Variants in CLSTN2 observed in about 807,000 individuals in gnomAD.
CLSTN2 encodes calsyntenin 2.
CLSTN2 carries 48 observed loss-of-function variants against 101.2 expected under a neutral mutation model. That is an observed-to-expected ratio of 0.47 (90% confidence interval 0.38 to 0.60). CLSTN2 has a LOEUF of 0.60. Among genes scored for constraint, CLSTN2 ranks in the 20% least tolerant of loss-of-function variants. The pLI, the probability that CLSTN2 is intolerant of heterozygous loss-of-function variation, is 0.00. For synonymous variants in CLSTN2, 481 were observed against 463.6 expected, an observed-to-expected ratio of 1.04 and a Z score of -0.48; for missense variants, 1,160 against 1,238.2, an observed-to-expected ratio of 0.94 and a Z score of 0.95.
In CLSTN2 at chr3:140,299,636, A is replaced by G. The variant is rs528270276; in HGVS notation, c.233-103993A>G. The stretch of plus-strand genomic sequence containing the variant: ...TACTGTGTTTTTGTGTCGGTCACCT[A>G]TCTTTGGCTATTGACTTACATCCCA... On this transcript the variant is annotated intron_variant, in intron 2 of 16. Coordinates refer to ENST00000458420, the MANE Select transcript of CLSTN2 (RefSeq NM_022131.3). 2.0e-5 allele frequency among the ~76,000 whole-genome samples: 3 copies of G among 152,268 alleles called. No homozygotes were observed. The East Asian group carries it at 5.8e-4, about 29-fold the overall frequency.
chr3:140,302,440 G>A (rs2087068940), intron 2 of CLSTN2, among the ~76,000 whole-genome samples: 1 of 152,130 alleles, frequency 6.6e-6, no homozygotes, highest in South Asian at 2.1e-4. Flanking sequence ...CTTGTTTTCT[G>A]CTTCTTTGCT....
intron 2 of CLSTN2, among the ~76,000 whole-genome samples, chr3:140,240,872 C>A (rs1260584366): frequency 1.3e-5 from 2 of 152,090 alleles, no homozygotes; most frequent in Non-Finnish European, 2.9e-5. Context: ...CCTTTATATC[C>A]CCTCTCCATG....
At chr3:140,415,698 G>C (rs2088425309) in intron 4 of CLSTN2, among the ~76,000 whole-genome samples, 1 of 152,110 alleles carries the variant, frequency 6.6e-6, no homozygotes, top group African/African-American at 2.4e-5. Flanking sequence ...AGTCCATGAG[G>C]AGAAGCATTG....
At chr3:140,223,032 T>C (rs914669165) in intron 2 of CLSTN2, among the ~76,000 whole-genome samples, 12 of 152,206 alleles carry the variant, frequency 7.9e-5, no homozygotes, top group Admixed American at 3.3e-4. Context: ...CTTGGTGTTG[T>C]AGAGTTAAGA....
At chr3:140,347,024 T>A (rs2107940060) in intron 2 of CLSTN2, among the ~76,000 whole-genome samples, 1 of 152,338 alleles carries the variant, frequency 6.6e-6, no homozygotes, top group Non-Finnish European at 1.5e-5. Context: ...TTTCACAACT[T>A]TTCTCTCTGA....
intron 1 of CLSTN2, among the ~76,000 whole-genome samples, chr3:140,090,239 C>G (rs925725815): frequency 6.6e-6 from 1 of 151,508 alleles, no homozygotes; most frequent in African/African-American, 2.4e-5. Flanking sequence ...TGGAATGTTT[C>G]TGGTTGGAGA....
chr3:140,351,188 GT>G (rs1306771532), intron 2 of CLSTN2, among the ~76,000 whole-genome samples: 1 of 152,172 alleles, frequency 6.6e-6, no homozygotes, highest in Non-Finnish European at 1.5e-5. Flanking sequence ...TTTCAAAAGT[GT>G]TTGTGTGTGA....
chr3:140,161,259 CT>C (rs2010042343), intron 1 of CLSTN2, among the ~76,000 whole-genome samples: 3 of 152,184 alleles, frequency 2.0e-5, no homozygotes, highest in Non-Finnish European at 2.9e-5. Context: ...CCTAAACACT[CT>C]GAAAATTCAG....
intron 1 of CLSTN2, among the ~76,000 whole-genome samples, chr3:140,167,296 C>T (rs2010149525): frequency 6.6e-6 from 1 of 152,202 alleles, no homozygotes; most frequent in African/African-American, 2.4e-5. Context: ...ATCATTGGGC[C>T]TTTGCCCATC....
At chr3:140,309,105 C>T (rs1210838845) in intron 2 of CLSTN2, among the ~76,000 whole-genome samples, 1 of 152,176 alleles carries the variant, frequency 6.6e-6, no homozygotes, top group Admixed American at 6.5e-5. Flanking sequence ...ATAGAACTTA[C>T]AATCAGGTAG....
intron 2 of CLSTN2, among the ~76,000 whole-genome samples, chr3:140,233,296 C>A (rs1203855771): frequency 6.6e-6 from 1 of 152,180 alleles, no homozygotes; most frequent in Non-Finnish European, 1.5e-5. Flanking sequence ...TTCGCCAAGT[C>A]CTCAGGTCTC....
At chr3:140,266,549 C>T (rs1301113336) in intron 2 of CLSTN2, among the ~76,000 whole-genome samples, 1 of 152,172 alleles carries the variant, frequency 6.6e-6, no homozygotes, top group Non-Finnish European at 1.5e-5. Flanking sequence ...CACTGGTATT[C>T]TGTTTACCTA....
In CLSTN2 at chr3:140,405,725, G is replaced by A. The variant is rs575532750; in HGVS notation, c.637+959G>A. Among the ~76,000 whole-genome samples the A allele has an allele frequency of 3.9e-5, 6 of 152,272 alleles. 1 individual carries two copies. The highest frequency in any genetic ancestry group is 2.6e-4 in the Admixed American group (4 of 15,292). On this transcript the variant is annotated intron_variant, in intron 4 of 16. Coordinates refer to ENST00000458420, the MANE Select transcript of CLSTN2 (RefSeq NM_022131.3). ...TTGTAGTATAAACGCCACAACCAGAGCCCCAACAAACTCAGCCCACTTTAG... is the reference window on the plus strand; with the variant it reads ...TTGTAGTATAAACGCCACAACCAGAACCCCAACAAACTCAGCCCACTTTAG...
intron 4 of CLSTN2, among the ~76,000 whole-genome samples, chr3:140,414,213 G>A (rs2088400114): frequency 6.6e-6 from 1 of 151,834 alleles, no homozygotes; most frequent in Non-Finnish European, 1.5e-5. Flanking sequence ...GGATAAAAAA[G>A]CAACACACAA....
At chr3:140,220,536 T>C (rs2086260263) in intron 2 of CLSTN2, among the ~76,000 whole-genome samples, 1 of 152,186 alleles carries the variant, frequency 6.6e-6, no homozygotes, top group South Asian at 2.1e-4. Context: ...AGCAAGCACA[T>C]CCACCATGTC....
At chr3:140,005,310 C>T (rs1255457574) in intron 1 of CLSTN2, among the ~76,000 whole-genome samples, 1 of 152,206 alleles carries the variant, frequency 6.6e-6, no homozygotes, top group Non-Finnish European at 1.5e-5. Context: ...AGATCTTCCA[C>T]GCTTGTGTTG....
intron 1 of CLSTN2, among the ~76,000 whole-genome samples, chr3:140,101,224 C>G (rs1297006976): frequency 6.6e-6 from 1 of 152,088 alleles, no homozygotes; most frequent in Middle Eastern, 3.2e-3. Context: ...GAGTTCTGTC[C>G]TCTACTCCTT....
intron 7 of CLSTN2, among the ~76,000 whole-genome samples, chr3:140,462,508 A>C (rs1933587490): frequency 6.6e-6 from 1 of 152,222 alleles, no homozygotes; most frequent in Non-Finnish European, 1.5e-5. Flanking sequence ...AAATTGTCAA[A>C]TTGCTCTTCA....
chr3:140,151,650 A>G (rs1168294302), intron 1 of CLSTN2, among the ~76,000 whole-genome samples: 2 of 152,028 alleles, frequency 1.3e-5, no homozygotes, highest in African/African-American at 4.8e-5. Context: ...GCACTCACCT[A>G]TCTCTTGTGT....
Sources: gnomAD v4.1 joint callset for allele counts (sites outside exome capture counted in the v4.1 genomes callset) on GRCh38, gnomAD v4.1.1 for gene constraint, MANE v1.5 for transcripts, NCBI Gene and HGNC (gene_info 2026-07-23, HGNC 2026-07-21) for gene names.